Variants in ATP6V1H observed in about 807,000 individuals in gnomAD.
ATP6V1H encodes the protein ATPase H+ transporting V1 subunit H, also known as V-type proton ATPase subunit H.
In ATP6V1H, 39 loss-of-function variants were observed where a neutral mutation model predicts 71.7. The observed-to-expected ratio is 0.54, with a 90% CI of 0.42 to 0.71. The LOEUF (loss-of-function observed/expected upper bound fraction) is 0.71. ATP6V1H is among the 30% of genes least tolerant of loss of function. The pLI, the probability that ATP6V1H is intolerant of heterozygous loss-of-function variation, is 0.00. For missense variants in ATP6V1H, 509 were observed against 594.9 expected (o/e 0.86, Z 1.50); for synonymous variants, 192 against 199.3 (o/e 0.96, Z 0.31).
chr8:53,716,151 A>G, intron 13 of ATP6V1H, 127 bp from the exon 14 acceptor site: 2 of 713,646 alleles, frequency 2.8e-6, no homozygotes, highest in Non-Finnish European at 4.5e-6. Context: ...AAAAAGTCCT[A>G]GAAAATTAAA....
intron 6 of ATP6V1H, among the ~76,000 whole-genome samples, chr8:53,813,479 CTAA>C (rs1810351426): frequency 1.3e-5 from 2 of 152,146 alleles, no homozygotes; most frequent in Admixed American, 1.3e-4. Context: ...ATCTAACAAC[CTAA>C]TAATATTGTT....
chr8:53,783,003 C>CT (rs1266283841), intron 9 of ATP6V1H, among the ~76,000 whole-genome samples: 1 of 151,604 alleles, frequency 6.6e-6, no homozygotes, highest in African/African-American at 2.4e-5. Flanking sequence ...CTAAAATTCT[C>CT]TTTTTTTGTT....
At chr8:53,828,732 T>G (rs553373231) in intron 4 of ATP6V1H, among the ~76,000 whole-genome samples, 2 of 152,204 alleles carry the variant, frequency 1.3e-5, no homozygotes, top group South Asian at 2.1e-4. Flanking sequence ...TGGTGAAAAT[T>G]AGGCCATCAA....
At chr8:53,760,268 G>A (rs1808225717) in intron 11 of ATP6V1H, among the ~76,000 whole-genome samples, 1 of 152,118 alleles carries the variant, frequency 6.6e-6, no homozygotes, top group African/African-American at 2.4e-5. Context: ...CTTCCTCTAG[G>A]AATGCTCAAC....
At chr8:53,747,908 G>GTAATCC (rs1183234381) in intron 12 of ATP6V1H, among the ~76,000 whole-genome samples, 1 of 151,316 alleles carries the variant, frequency 6.6e-6, no homozygotes, top group Non-Finnish European at 1.5e-5. Context: ...GCTCACGCCT[G>GTAATCC]TAATCCTAGC....
intron 9 of ATP6V1H, among the ~76,000 whole-genome samples, chr8:53,790,922 T>C (rs1253008587): frequency 6.6e-6 from 1 of 152,226 alleles, no homozygotes; most frequent in Non-Finnish European, 1.5e-5. Context: ...AATATTTTTC[T>C]ATTGTATCTT....
In ATP6V1H at chr8:53,716,019, T is replaced by C. The variant is rs1282409883; in HGVS notation, c.1397A>G (p.Tyr466Cys). Residue 466 changes from tyrosine (Y) to cysteine (C), a missense_variant, in exon 14 of 14, where the codon TAC becomes TGC. Transcript: ENST00000359530. Reference protein sequence around the residue: ...VQKLMVHNWEYLGKQLQSEQP... With the variant: ...VQKLMVHNWECLGKQLQSEQP... ...CTCGGACTGGAGCTGCTTGCCAAGGTATTCCCTGAAAAAAAAGAATGAAGT... is the reference window on the plus strand; with the variant it reads ...CTCGGACTGGAGCTGCTTGCCAAGGCATTCCCTGAAAAAAAAGAATGAAGT... 1 of 1,604,672 alleles carries C rather than the reference T, an allele frequency of 6.2e-7. No homozygotes were observed. The highest frequency in any genetic ancestry group is 8.5e-7 in the Non-Finnish European group (1 of 1,176,330).
rs941196276 is a variant in ATP6V1H, at chr8:53,747,760, C to T, written c.1278-4070G>A. Among the ~76,000 whole-genome samples the T allele has an allele frequency of 2.5e-3, 382 of 151,936 alleles. 4 individuals are homozygous for T. The highest frequency in any genetic ancestry group is 3.4e-3 in the Non-Finnish European group (233 of 67,926). ...GTTCCACCATACTGGCCAGGCTTGT[C>T]TCAAACTCGTGACCTCGTGATTCCC... On this transcript the variant is annotated intron_variant, in intron 12 of 13. Transcript: ENST00000359530.
At chr8:53,830,525 T>A (rs1305116004) in intron 3 of ATP6V1H, among the ~76,000 whole-genome samples, 2 of 151,726 alleles carry the variant, frequency 1.3e-5, no homozygotes, top group Non-Finnish European at 2.9e-5. Flanking sequence ...AACACTAAAG[T>A]GGAAACACTT....
At chr8:53,727,393 T>C (rs1806849693) in intron 13 of ATP6V1H, among the ~76,000 whole-genome samples, 6 of 152,186 alleles carry the variant, frequency 3.9e-5, no homozygotes, top group Admixed American at 3.3e-4. Context: ...CTCCCTAGAG[T>C]TAAGCAGTTA....
intron 7 of ATP6V1H, among the ~76,000 whole-genome samples, chr8:53,809,841 G>A (rs149097632): frequency 3.3e-5 from 5 of 152,170 alleles, no homozygotes; most frequent in Non-Finnish European, 5.9e-5. Context: ...ATTGAGAAAC[G>A]AGGCTTCTTA....
chr8:53,778,608 A>AT (rs1183776035), intron 9 of ATP6V1H, among the ~76,000 whole-genome samples: 2 of 152,136 alleles, frequency 1.3e-5, no homozygotes, highest in Non-Finnish European at 2.9e-5. Flanking sequence ...GTAAAATGAA[A>AT]TTTTTTAAAG....
chr8:53,737,111 C>T (rs921694449), intron 13 of ATP6V1H, among the ~76,000 whole-genome samples: 1 of 152,246 alleles, frequency 6.6e-6, no homozygotes, highest in Non-Finnish European at 1.5e-5. Context: ...GCAGGCATTT[C>T]TCTCTCAGGG....
In ATP6V1H at chr8:53,841,736, G is replaced by A; in HGVS notation, c.-35-11C>T. On this transcript the variant is annotated splice_polypyrimidine_tract_variant and intron_variant, in intron 1 of 13. Transcript: ENST00000359530. ...TGTCTTTCAACAAATCTTCAATTTT[G>A]ATGCAAGGTAAAAACAGAATACGAG... 6.2e-7 allele frequency: 1 copy of A among 1,602,298 alleles called. No individual in the cohort carries two copies. The highest frequency in any genetic ancestry group is 8.5e-7 in the Non-Finnish European group (1 of 1,173,812).
chr8:53,718,137 G>C (rs1197958019), intron 13 of ATP6V1H, among the ~76,000 whole-genome samples: 1 of 152,218 alleles, frequency 6.6e-6, no homozygotes, highest in Non-Finnish European at 1.5e-5. Context: ...CCTGAGGGTA[G>C]TTCATTCCCC....
At chr8:53,840,710 C>A (rs1474259661) in intron 2 of ATP6V1H, among the ~76,000 whole-genome samples, 1 of 151,928 alleles carries the variant, frequency 6.6e-6, no homozygotes, top group East Asian at 1.9e-4. Flanking sequence ...ATTATAGATC[C>A]CTCCTACAAC....
chr8:53,735,149 T>C (rs948856433), intron 13 of ATP6V1H, among the ~76,000 whole-genome samples: 1 of 152,118 alleles, frequency 6.6e-6, no homozygotes, highest in African/African-American at 2.4e-5. Flanking sequence ...TTTGAAGATC[T>C]CCAGGTGGAC....
chr8:53,832,201 G>C (rs1242848494), intron 3 of ATP6V1H: 1 of 152,162 alleles, frequency 6.6e-6, no homozygotes, highest in Non-Finnish European at 1.5e-5. Context: ...CACATTTGTA[G>C]AAATAAGTGT....
intron 8 of ATP6V1H, among the ~76,000 whole-genome samples, chr8:53,797,392 G>A (rs929572984): frequency 2.0e-5 from 3 of 152,134 alleles, no homozygotes; most frequent in African/African-American, 7.2e-5. Context: ...TCCAGCTCTA[G>A]CAGAACAAGC....
Sources: allele counts gnomAD v4.1 joint callset (sites outside exome capture counted in the v4.1 genomes callset), GRCh38; gene constraint gnomAD v4.1.1; transcripts MANE v1.5; gene names NCBI Gene and HGNC (gene_info 2026-07-23, HGNC 2026-07-21).